The following NKAIN3 variants were observed in gnomAD, a reference collection of about 807,000 sequenced individuals.
The protein encoded by NKAIN3 is sodium/potassium transporting ATPase interacting 3, also known as sodium/potassium-transporting ATPase subunit beta-1-interacting protein 3.
In NKAIN3, 25 loss-of-function variants were observed where a neutral mutation model predicts 30.2. The observed-to-expected ratio is 0.83, with a 90% confidence interval of 0.60 to 1.16. NKAIN3 has a LOEUF of 1.16. Among genes scored for constraint, NKAIN3 ranks in the 50% most tolerant of loss-of-function variants. The probability of loss-of-function intolerance (pLI) is 0.00; values close to 1 mark genes in which losing one functional copy is unlikely to be tolerated. For missense variants in NKAIN3, 225 were observed against 254.1 expected (o/e 0.89, Z 0.78); for synonymous variants, 91 against 89.6 (o/e 1.02, Z -0.09).
In NKAIN3 at chr8:62,328,191, T is replaced by A. The variant is rs117782913; in HGVS notation, c.54+79064T>A. 7.7e-3 allele frequency among the ~76,000 whole-genome samples: 1,169 copies of A among 152,226 alleles called. 10 individuals are homozygous for A. Among genetic ancestry groups the A allele is most frequent in the Non-Finnish European group, 0.012 (821 of 67,988 alleles). ...TTAATGTAGTACAGCTGGAAAACAATGCCAGTGCACAAATCTATTACTATA... is the reference window on the plus strand; with the variant it reads ...TTAATGTAGTACAGCTGGAAAACAAAGCCAGTGCACAAATCTATTACTATA... On this transcript the variant is annotated intron_variant, in intron 1 of 6. Coordinates refer to ENST00000623646, the MANE Select transcript of NKAIN3 (RefSeq NM_001304533.3).
At chr8:62,262,522 T>C (rs1461960072) in intron 1 of NKAIN3, among the ~76,000 whole-genome samples, 3 of 152,144 alleles carry the variant, frequency 2.0e-5, no homozygotes, top group Non-Finnish European at 4.4e-5. Context: ...CCTTGTAGTA[T>C]TGTGATTGCC....
At chr8:62,998,488 T>A (rs536978263) in intron 5 of NKAIN3, among the ~76,000 whole-genome samples, 54 of 152,304 alleles carry the variant, frequency 3.5e-4, no homozygotes, top group Non-Finnish European at 5.9e-4. Context: ...TTGGACAGGC[T>A]GGTCTTGAAC....
chr8:62,421,620 TTC>T (rs377118283), intron 1 of NKAIN3, among the ~76,000 whole-genome samples: 84 of 147,340 alleles, frequency 5.7e-4, no homozygotes, highest in East Asian at 7.9e-4. Context: ...CTCTCTCTCT[TTC>T]TCTCTCTCTC....
rs990257570 is a variant in NKAIN3, at chr8:62,667,376, A to AAT, written c.273+77596_273+77597dup. Among the ~76,000 whole-genome samples the AAT allele has an allele frequency of 4.1e-4, 58 of 139,816 alleles. 1 individual carries two copies. Among genetic ancestry groups the AAT allele is most frequent in the African/African-American group, 9.0e-4 (32 of 35,676 alleles). The allele number at this position is 139,816 out of a possible 152,430, so 91.7% of individuals were successfully genotyped here. A position where few individuals can be genotyped will look rare whatever the true frequency, so the allele number is the denominator to read the frequency against. On this transcript the variant is annotated intron_variant, in intron 3 of 6. Coordinates refer to ENST00000623646, the MANE Select transcript of NKAIN3 (RefSeq NM_001304533.3). ...ATATATATCTGTATATATATATATA[A>AAT]ATATATATATATATAAAGAAATTCC...
At chr8:62,349,748 C>G (rs1327150887) in intron 1 of NKAIN3, among the ~76,000 whole-genome samples, 1 of 152,082 alleles carries the variant, frequency 6.6e-6, no homozygotes, top group Non-Finnish European at 1.5e-5. Context: ...AGTAGCCTCT[C>G]AGGCTTGTGC....
At chr8:62,857,994 G>C (rs117302047) in intron 4 of NKAIN3, among the ~76,000 whole-genome samples, 4 of 152,244 alleles carry the variant, frequency 2.6e-5, no homozygotes, top group Non-Finnish European at 5.9e-5. Flanking sequence ...TTTGATCTTT[G>C]AGGTTGCCAA....
intron 3 of NKAIN3, among the ~76,000 whole-genome samples, chr8:62,652,666 C>G (rs543193170): frequency 6.6e-6 from 1 of 152,148 alleles, no homozygotes; most frequent in Non-Finnish European, 1.5e-5. Flanking sequence ...TGGTCTGGAT[C>G]ACCCTGGCAT....
chr8:62,897,241 G>A (rs946556487), intron 4 of NKAIN3, among the ~76,000 whole-genome samples: 1 of 152,116 alleles, frequency 6.6e-6, no homozygotes, highest in Non-Finnish European at 1.5e-5. Flanking sequence ...CTGCACATTG[G>A]TTCACCTAAA....
intron 1 of NKAIN3, among the ~76,000 whole-genome samples, chr8:62,275,796 G>A (rs920126651): frequency 7.2e-5 from 11 of 151,992 alleles, no homozygotes; most frequent in Admixed American, 6.6e-4. Flanking sequence ...AAATTATTTT[G>A]ATATTGAAAT....
chr8:62,831,842 A>G (rs929376048), intron 4 of NKAIN3, among the ~76,000 whole-genome samples: 5 of 152,208 alleles, frequency 3.3e-5, no homozygotes, highest in African/African-American at 1.2e-4. Context: ...ATGGTCAGAC[A>G]TCCAGATATA....
At chr8:62,292,790 G>A (rs962181141) in intron 1 of NKAIN3, among the ~76,000 whole-genome samples, 3 of 152,200 alleles carry the variant, frequency 2.0e-5, no homozygotes, top group African/African-American at 4.8e-5. Context: ...TGCCTCACTA[G>A]GTTGGGGAAG....
intron 1 of NKAIN3, among the ~76,000 whole-genome samples, chr8:62,402,043 CT>C (rs1313742217): frequency 6.6e-6 from 1 of 152,202 alleles, no homozygotes; most frequent in East Asian, 1.9e-4. Context: ...TCCAGAGATG[CT>C]GTCTGGCAGC....
chr8:62,889,853 T>A (rs1482451484), intron 4 of NKAIN3, among the ~76,000 whole-genome samples: 1 of 152,080 alleles, frequency 6.6e-6, no homozygotes, highest in Non-Finnish European at 1.5e-5. Context: ...AACTTTTAAT[T>A]AGGTTTGGGT....
At chr8:62,940,834 C>G (rs562934059) in intron 5 of NKAIN3, among the ~76,000 whole-genome samples, 1 of 151,640 alleles carries the variant, frequency 6.6e-6, no homozygotes, top group Non-Finnish European at 1.5e-5. Flanking sequence ...CACAAATAGA[C>G]AATCTCAGGT....
At chr8:62,819,156 T>TATATATAC (rs1818778354) in intron 4 of NKAIN3, among the ~76,000 whole-genome samples, 2 of 146,806 alleles carry the variant, frequency 1.4e-5, no homozygotes, top group African/African-American at 5.1e-5. Context: ...TATATACATA[T>TATATATAC]ATATATATAT....
rs1423804018 is a variant in NKAIN3, at chr8:62,967,597, T to C, written c.*2190T>C. On this transcript the variant is annotated 3_prime_UTR_variant, in exon 7 of 7. Coordinates refer to ENST00000623646, the MANE Select transcript of NKAIN3 (RefSeq NM_001304533.3). ...GAAAACCTTGCCCAAGTTTAAATGA[T>C]TTGAAATAAACTAAAAAATGCTTTA... 1.3e-5 allele frequency among the ~76,000 whole-genome samples: 2 copies of C among 152,156 alleles called. No homozygotes were observed. Among genetic ancestry groups the C allele is most frequent in the Non-Finnish European group, 2.9e-5 (2 of 68,036 alleles).
At chr8:62,500,175 A>G (rs2129670862) in intron 1 of NKAIN3, among the ~76,000 whole-genome samples, 1 of 152,154 alleles carries the variant, frequency 6.6e-6, no homozygotes, top group East Asian at 1.9e-4. Context: ...GACCCAGAGA[A>G]GTTAAATATG....
intron 1 of NKAIN3, among the ~76,000 whole-genome samples, chr8:62,412,473 T>G (rs1036103243): frequency 6.6e-6 from 1 of 152,072 alleles, no homozygotes; most frequent in African/African-American, 2.4e-5. Context: ...GACCTCAAAC[T>G]ATAAAAATTC....
At chr8:62,560,830 C>T (rs768540845) in intron 1 of NKAIN3, among the ~76,000 whole-genome samples, 2 of 152,098 alleles carry the variant, frequency 1.3e-5, no homozygotes, top group Non-Finnish European at 2.9e-5. Flanking sequence ...GGTGAGCCAT[C>T]ACGGAATCTT....
Sources: allele counts gnomAD v4.1 joint callset (sites outside exome capture counted in the v4.1 genomes callset), GRCh38; gene constraint gnomAD v4.1.1; transcripts MANE v1.5; gene names NCBI Gene and HGNC (gene_info 2026-07-23, HGNC 2026-07-21).